Variants in UBR3 observed in about 807,000 individuals in gnomAD.
UBR3 encodes the protein E3 ubiquitin-protein ligase UBR3.
UBR3 carries 85 observed loss-of-function variants against 243.2 expected under a neutral mutation model. The ratio of observed to expected loss-of-function variants is 0.35; its 90% confidence interval spans 0.29 to 0.42. UBR3 has a LOEUF of 0.42. Ranked by LOEUF, UBR3 falls within the 10% of genes least tolerant of loss-of-function variation. UBR3 has a pLI of 1.00. For missense variants in UBR3, 1,686 were observed against 2,300.8 expected (o/e 0.73, Z 5.47); for synonymous variants, 748 against 799.8 (o/e 0.94, Z 1.09).
intron 2 of UBR3, among the ~76,000 whole-genome samples, chr2:169,873,795 A>T (rs1426603993): frequency 3.9e-5 from 6 of 152,196 alleles, no homozygotes; most frequent in Non-Finnish European, 7.4e-5. Flanking sequence ...TAGCTGGGTT[A>T]TTGAAATTGC....
Position 170,017,556 on chromosome 2 carries a change from C to G in UBR3, c.4453+2190C>G, listed in dbSNP as rs1024070653. ...ACACACACACACACAGACACACACACACACACACACACACACACACACACA... is the reference window on the plus strand; with the variant it reads ...ACACACACACACACAGACACACACAGACACACACACACACACACACACACA... On this transcript the variant is annotated intron_variant, in intron 30 of 38. Coordinates refer to ENST00000272793, the MANE Select transcript of UBR3 (RefSeq NM_172070.4). Among the ~76,000 whole-genome samples, 558 of 135,552 alleles carry G rather than the reference C, an allele frequency of 4.1e-3. 2 individuals carry two copies. Among genetic ancestry groups the G allele is most frequent in the African/African-American group, 0.016 (520 of 32,224 alleles). 88.9% of individuals were successfully genotyped at this position (135,552 alleles called of 152,430 possible). A position where few individuals can be genotyped will look rare whatever the true frequency, so the allele number is the denominator to read the frequency against.
chr2:170,046,577 A>C (rs1347076727), intron 32 of UBR3, among the ~76,000 whole-genome samples: 3 of 152,226 alleles, frequency 2.0e-5, no homozygotes, highest in South Asian at 2.1e-4. Flanking sequence ...TACTTCATGG[A>C]TAATGTTAAA....
chr2:170,065,274 G>T (rs1247717522), intron 35 of UBR3, among the ~76,000 whole-genome samples: 1 of 151,806 alleles, frequency 6.6e-6, no homozygotes, highest in African/African-American at 2.4e-5. Context: ...ATTTAGTCAG[G>T]TGTTTTAATA....
intron 5 of UBR3, among the ~76,000 whole-genome samples, chr2:169,889,542 A>G (rs2084244253): frequency 6.6e-6 from 1 of 151,976 alleles, no homozygotes; most frequent in Non-Finnish European, 1.5e-5. Flanking sequence ...TCTGTTTTCT[A>G]TCTTTTAAGG....
rs374175880 is a variant in UBR3 at position 169,863,835 on chromosome 2, C to T, written c.546-8401C>T. Among the ~76,000 whole-genome samples the T allele has an allele frequency of 2.0e-3, 308 of 152,108 alleles. 3 individuals carry two copies. The highest frequency in any genetic ancestry group is 7.0e-3 in the African/African-American group (290 of 41,488). On this transcript the variant is annotated intron_variant, in intron 1 of 38. Coordinates refer to ENST00000272793, the MANE Select transcript of UBR3 (RefSeq NM_172070.4). ...ATAAATGGAGTAAATTTCTTGATGG[C>T]GGAATTGGTACAATCTAAACACACG...
intron 24 of UBR3, among the ~76,000 whole-genome samples, chr2:169,971,468 T>G (rs1192784717): frequency 1.3e-5 from 2 of 150,768 alleles, no homozygotes; most frequent in Non-Finnish European, 3.0e-5. Flanking sequence ...GGTCTAACGT[T>G]TAAGTCTTTA....
At chr2:170,065,056 C>T (rs1168401410) in intron 35 of UBR3, among the ~76,000 whole-genome samples, 12 of 151,582 alleles carry the variant, frequency 7.9e-5, no homozygotes, top group Middle Eastern at 3.4e-3. Flanking sequence ...TTGGCCAGGC[C>T]GGTCTCGAAC....
chr2:169,938,289 T>TG (rs1293395295), intron 19 of UBR3, among the ~76,000 whole-genome samples: 2 of 151,760 alleles, frequency 1.3e-5, no homozygotes, highest in African/African-American at 4.8e-5. Flanking sequence ...TTTTTTTTTT[T>TG]GAGACACTGT....
chr2:169,970,325 GA>G (rs1303349802), intron 24 of UBR3, among the ~76,000 whole-genome samples: 1 of 137,018 alleles, frequency 7.3e-6, no homozygotes, highest in African/African-American at 2.6e-5. Context: ...AAACACTACT[GA>G]TTTTTTTTTA....
intron 31 of UBR3, among the ~76,000 whole-genome samples, chr2:170,033,683 A>T (rs1253864526): frequency 7.0e-6 from 1 of 143,768 alleles, no homozygotes; most frequent in Admixed American, 7.4e-5. Context: ...TTTCATATTT[A>T]TATATTTTTA....
chr2:169,846,517 C>T (rs181845873), intron 1 of UBR3, among the ~76,000 whole-genome samples: 25 of 152,190 alleles, frequency 1.6e-4, no homozygotes, highest in Admixed American at 7.9e-4. Flanking sequence ...CGAGACCAGC[C>T]TGACCAACGT....
At chr2:169,901,254 C>G (rs1430663333) in intron 8 of UBR3, among the ~76,000 whole-genome samples, 1 of 152,028 alleles carries the variant, frequency 6.6e-6, no homozygotes, top group Non-Finnish European at 1.5e-5. Context: ...TCTGGAAATT[C>G]TTATACAAAT....
In UBR3 at chr2:170,008,838, T is replaced by C; in HGVS notation, c.4265T>C (p.Val1422Ala). Residue 1422 changes from valine (V) to alanine (A), a missense_variant, in exon 29 of 39, where the codon GTA becomes GCA. By Grantham distance (64) the Val-to-Ala change is moderately conservative (BLOSUM62 0). Transcript: ENST00000272793. ...ETNLSKEMES[V>A]MKDIKNTTQK... ...AATTTAAGTAAAGAAATGGAATCTG[T>C]AATGAAAGATATAAAAAATACCACT... is the stretch of plus-strand genomic sequence containing the variant. 1 of 1,465,656 alleles carries C rather than the reference T, an allele frequency of 6.8e-7. No homozygotes were observed. Among genetic ancestry groups the C allele is most frequent in the Non-Finnish European group, 9.4e-7 (1 of 1,058,824 alleles). 90.8% of individuals were successfully genotyped at this position (1,465,656 alleles called of 1,614,324 possible).
At chr2:169,920,469 T>TAAAA (rs58208606) in intron 11 of UBR3, among the ~76,000 whole-genome samples, 148,659 of 152,050 alleles carry the variant, frequency 0.98, 72,748 homozygotes, top group East Asian at 1. Flanking sequence ...AGTATAATAA[T>TAAAA]AAAGTAAAAG....
At chr2:170,000,099 C>T (rs544540117) in intron 26 of UBR3, among the ~76,000 whole-genome samples, 2 of 150,376 alleles carry the variant, frequency 1.3e-5, no homozygotes, top group Admixed American at 6.6e-5. Flanking sequence ...GCACTCCAGC[C>T]TGGGCAACAA....
chr2:169,903,857 GA>G (rs2084919003), intron 8 of UBR3, among the ~76,000 whole-genome samples: 3 of 151,920 alleles, frequency 2.0e-5, no homozygotes, highest in Admixed American at 2.0e-4. Flanking sequence ...CCCCATCTTT[GA>G]AAAAATATAT....
chr2:169,846,246 A>G (rs1300905680), intron 1 of UBR3, among the ~76,000 whole-genome samples: 1 of 152,084 alleles, frequency 6.6e-6, no homozygotes, highest in Admixed American at 6.6e-5. Context: ...GTTGTTAGGT[A>G]TACACTTAGG....
intron 26 of UBR3, among the ~76,000 whole-genome samples, chr2:169,998,332 G>GA (rs1490702562): frequency 6.6e-5 from 10 of 151,948 alleles, no homozygotes; most frequent in Admixed American, 4.6e-4. Flanking sequence ...TTCATTTCTA[G>GA]AAAAAAAATC....
At chr2:169,892,521 A>G (rs937585032) in intron 6 of UBR3, among the ~76,000 whole-genome samples, 1 of 152,134 alleles carries the variant, frequency 6.6e-6, no homozygotes, top group Non-Finnish European at 1.5e-5. Context: ...CTTTTTTCAC[A>G]TGTGTGTTTG....
Sources: gnomAD v4.1 joint callset for allele counts (sites outside exome capture counted in the v4.1 genomes callset) on GRCh38, gnomAD v4.1.1 for gene constraint, MANE v1.5 for transcripts, NCBI Gene and HGNC (gene_info 2026-07-23, HGNC 2026-07-21) for gene names.